The following AGL variants were observed in gnomAD, a reference collection of about 807,000 sequenced individuals.
AGL encodes the protein glycogen debranching enzyme.
In AGL, 128 loss-of-function variants were observed where a neutral mutation model predicts 199.3. The observed-to-expected ratio is 0.64, with a 90% CI of 0.56 to 0.74. The LOEUF is 0.74. Among genes scored for constraint, AGL ranks in the 30% least tolerant of loss-of-function variants. The pLI is 0.00. For synonymous variants in AGL, 584 were observed against 594.7 expected (o/e 0.98, Z 0.26); for missense variants, 1,809 against 1,820.8 (o/e 0.99, Z 0.12).
intron 30 of AGL, 43 bp downstream of exon 30, chr1:99,913,781 T>C (rs781616594): frequency 6.3e-7 from 1 of 1,576,116 alleles, no homozygotes; most frequent in East Asian, 2.2e-5. Flanking sequence ...AATGATGTGC[T>C]AGAGTTTGCT....
chr1:99,877,706 A>G lies in AGL; in HGVS notation c.1489A>G (p.Asn497Asp). Residue 497 changes from asparagine (N) to aspartate (D), a missense_variant, in exon 12 of 34, where the codon AAT becomes GAT. By Grantham distance (23) the Asn-to-Asp change is conservative (BLOSUM62 1). Transcript: ENST00000361915. ...AGACAGTGTTAAATTACGCTATGGG[A>G]ATAAACCAGAGGACTGTCCTTATCT... ...WGDSVKLRYG[N>D]KPEDCPYLWA... 1.9e-6 allele frequency: 3 copies of G among 1,614,062 alleles called. No homozygotes were observed. The highest frequency in any genetic ancestry group is 1.7e-4 in the Middle Eastern group (1 of 6,060).
chr1:99,887,576 C>T (rs1260168232), intron 20 of AGL, among the ~76,000 whole-genome samples: 1 of 151,672 alleles, frequency 6.6e-6, no homozygotes, highest in African/African-American at 2.4e-5. Flanking sequence ...TGATGTCTCA[C>T]TTAGGGGAAT....
At chr1:99,881,771 C>G in intron 17 of AGL, 80 bp downstream of exon 17, 3 of 1,178,844 alleles carry the variant, frequency 2.5e-6, no homozygotes, top group South Asian at 1.5e-5. Flanking sequence ...GGTTATATAT[C>G]ATGTATATAT....
At chr1:99,856,314 CCCTCCCTTCCTT>C (rs1278906679) in intron 2 of AGL, among the ~76,000 whole-genome samples, 2,256 of 20,512 alleles carry the variant, frequency 0.11, 55 homozygotes, top group African/African-American at 0.22. Context: ...CTTCCTCCCT[CCCTCCCTTCCTT>C]CCTCCCTCCC....
rs555262805 is a variant in AGL, at chr1:99,870,783, A to G, written c.872A>G (p.Asp291Gly). The G allele has an allele frequency of 2.5e-6, 4 of 1,609,160 alleles. No individual in the cohort carries two copies. The South Asian group carries it at 3.3e-5, about 13-fold the overall frequency. The change falls in exon 7 of 34, where the codon GAT becomes GGT. Residue 291 changes from aspartate (D) to glycine (G), a missense_variant. Physicochemically the swap from Asp to Gly is moderately conservative, Grantham distance 94. Coordinates refer to ENST00000361915, the MANE Select transcript of AGL (RefSeq NM_000642.3). ...TCCATCCGAAAAATAATTTGGGAGG[A>G]TATTTTTCCAAAGCTTAAACTCTGG... Reference protein sequence around the residue: ...MNSIRKIIWEDIFPKLKLWEF... With the variant: ...MNSIRKIIWEGIFPKLKLWEF...
chr1:99,890,627 A>T (rs1557771675), intron 21 of AGL, among the ~76,000 whole-genome samples: 2 of 107,986 alleles, frequency 1.9e-5, no homozygotes, highest in Non-Finnish European at 4.1e-5. Flanking sequence ...CTAATTGAAG[A>T]CTAGAAGGAT....
chr1:99,855,160 C>T (rs983345232), intron 2 of AGL, among the ~76,000 whole-genome samples: 1 of 151,542 alleles, frequency 6.6e-6, no homozygotes, highest in African/African-American at 2.4e-5. Flanking sequence ...AAGATCGTGC[C>T]AATGCACTCC....
intron 5 of AGL, among the ~76,000 whole-genome samples, chr1:99,867,586 C>A (rs1019063454): frequency 8.0e-5 from 12 of 149,520 alleles, no homozygotes; most frequent in Admixed American, 2.0e-4. Flanking sequence ...GACGGAGTCT[C>A]CTTCTGTCGC....
At position 99,885,915 on chromosome 1, in the gene AGL, CTG is replaced by C. The variant is rs1652417612; in HGVS notation, c.2681+1215_2681+1216del. 8.5e-5 allele frequency among the ~76,000 whole-genome samples: 13 copies of C among 152,226 alleles called. 1 individual carries two copies. The South Asian group carries it at 2.5e-3, about 29-fold the overall frequency. On this transcript the variant is annotated intron_variant, in intron 20 of 33. Coordinates refer to ENST00000361915, the MANE Select transcript of AGL (RefSeq NM_000642.3). ...CAAAACCACGCCCCTCACCCCCAGT[CTG>C]TGAAAAAATGTCTTCTGTGAAACCA...
chr1:99,884,644 T>C lies in AGL; in HGVS notation c.2622T>C (p.Phe874=), dbSNP rs768045638. ...ATCTGACACAATTCAGTCCTCACTT[T>C]AAATCTGGCAGCCTAGCTGTTGACA... ...RNHLTQFSPH[F]KSGSLAVDNA... is the part of the protein sequence containing the mutation. Residue 874 remains phenylalanine, a synonymous_variant, in exon 20 of 34, where the codon TTT becomes TTC. Transcript: ENST00000361915. The C allele has an allele frequency of 1.9e-6, 3 of 1,614,050 alleles. No homozygotes were observed. The highest frequency in any genetic ancestry group is 2.5e-6 in the Non-Finnish European group (3 of 1,179,946).
chr1:99,883,655 T>C (rs1484948716), intron 17 of AGL, among the ~76,000 whole-genome samples: 1 of 152,148 alleles, frequency 6.6e-6, no homozygotes, highest in Admixed American at 6.5e-5. Context: ...CAGGCATGTG[T>C]AGTGAAAATG....
chr1:99,913,618 T>A lies in AGL; in HGVS notation c.4041T>A (p.Asp1347Glu). The change falls in exon 30 of 34, where the codon GAT (aspartate) becomes GAA (glutamate). Residue 1347 changes from aspartate to glutamate, a missense_variant. Transcript: ENST00000361915. ...TTCATGTTTCCGAAGACCCTTCAGA[T>A]TTAAATGAAAAGCATCCAAATCTGG... ...KLFHVSEDPS[D>E]LNEKHPNLVH... 1 of 1,614,086 alleles carries A rather than the reference T, an allele frequency of 6.2e-7. No individual in the cohort carries two copies. Among genetic ancestry groups the A allele is most frequent in the East Asian group, 2.2e-5 (1 of 44,862 alleles).
chr1:99,891,399 A>T (rs771836833), intron 22 of AGL, 43 bp downstream of exon 22: 1 of 1,600,668 alleles, frequency 6.2e-7, no homozygotes, highest in South Asian at 1.1e-5. Context: ...CAAGGACATA[A>T]TAATAAATAT....
At chr1:99,873,871 G>A (rs562260840) in intron 7 of AGL, among the ~76,000 whole-genome samples, 15 of 151,958 alleles carry the variant, frequency 9.9e-5, no homozygotes, top group African/African-American at 3.1e-4. Context: ...TTTTTTGTTC[G>A]TGTTTTTATA....
In AGL at chr1:99,879,914, T is replaced by C; in HGVS notation, c.1612-9T>C. The C allele has an allele frequency of 6.2e-7, 1 of 1,606,330 alleles. No individual in the cohort carries two copies. Among genetic ancestry groups the C allele is most frequent in the Non-Finnish European group, 8.5e-7 (1 of 1,173,132 alleles). On this transcript the variant is annotated splice_polypyrimidine_tract_variant and intron_variant, in intron 12 of 33. Transcript: ENST00000361915. Reference sequence around the variant, plus strand: ...TTATTTGTTACATTTGTCACTGTGCTTTTTACAGTACATGTTGGATGCTGC... The same window carrying C: ...TTATTTGTTACATTTGTCACTGTGCCTTTTACAGTACATGTTGGATGCTGC...
At chr1:99,919,890 G>A (rs1389060301) in intron 33 of AGL, among the ~76,000 whole-genome samples, 1 of 152,066 alleles carries the variant, frequency 6.6e-6, no homozygotes, top group Non-Finnish European at 1.5e-5. Context: ...CACCCTTGGT[G>A]GACTCCCTCT....
intron 17 of AGL, among the ~76,000 whole-genome samples, chr1:99,882,178 T>C (rs1017998233): frequency 3.3e-5 from 5 of 151,852 alleles, no homozygotes; most frequent in African/African-American, 1.2e-4. Context: ...TGGCAACTTA[T>C]ATTTTTACTG....
intron 27 of AGL, among the ~76,000 whole-genome samples, chr1:99,909,671 AC>A (rs370782056): frequency 5.1e-4 from 77 of 151,964 alleles, no homozygotes; most frequent in Non-Finnish European, 9.3e-4. Flanking sequence ...GAAAAAAAAA[AC>A]CAGGGAACTC....
intron 25 of AGL, among the ~76,000 whole-genome samples, chr1:99,899,400 A>G (rs1289513261): frequency 3.9e-5 from 6 of 152,200 alleles, no homozygotes; most frequent in Admixed American, 3.3e-4. Context: ...CAAAATTTTC[A>G]TTTGGTATAT....
Sources: gnomAD v4.1 joint callset for allele counts (sites outside exome capture counted in the v4.1 genomes callset) on GRCh38, gnomAD v4.1.1 for gene constraint, MANE v1.5 for transcripts, NCBI Gene and HGNC (gene_info 2026-07-23, HGNC 2026-07-21) for gene names.